The following XPNPEP3 variants were observed in gnomAD, a reference collection of about 807,000 sequenced individuals.
XPNPEP3 encodes the protein xaa-Pro aminopeptidase 3.
XPNPEP3 carries 41 observed loss-of-function variants against 60.0 expected under a neutral mutation model. The ratio of observed to expected loss-of-function variants is 0.68; its 90% CI spans 0.53 to 0.89. The LOEUF (loss-of-function observed/expected upper bound fraction) is 0.89. Among genes scored for constraint, XPNPEP3 ranks in the 40% least tolerant of loss-of-function variants. The pLI is 0.00. For synonymous variants in XPNPEP3, 212 were observed against 223.2 expected (o/e 0.95, Z 0.45); for missense variants, 598 against 638.9 (o/e 0.94, Z 0.69).
At chr22:40,880,969 T>C (rs2058045396) in intron 2 of XPNPEP3, among the ~76,000 whole-genome samples, 1 of 152,054 alleles carries the variant, frequency 6.6e-6, no homozygotes, top group African/African-American at 2.4e-5. Context: ...GTTTTTTTTG[T>C]TATTGAAATG....
chr22:40,899,048 C>A (rs1031815034), intron 4 of XPNPEP3, among the ~76,000 whole-genome samples: 1 of 152,152 alleles, frequency 6.6e-6, no homozygotes, highest in Admixed American at 6.5e-5. Flanking sequence ...GTTCTTTGAT[C>A]TAAAATTCTC....
chr22:40,888,581 G>A (rs2058077622), intron 4 of XPNPEP3: 1 of 173,532 alleles, frequency 5.8e-6, no homozygotes. Flanking sequence ...TCCATTGTAT[G>A]CGTATGCCAT....
intron 1 of XPNPEP3, chr22:40,860,534 C>A: frequency 2.6e-6 from 2 of 754,814 alleles, no homozygotes; most frequent in South Asian, 7.0e-5. Context: ...TTCTTGTCTT[C>A]TAATGCTATG....
In XPNPEP3 at chr22:40,857,161, C is replaced by G. The variant is rs776025665; in HGVS notation, c.-21C>G. Reference sequence around the variant, plus strand: ...CCCGTCGTTACCCTCTTTCTCTTCCCGACGCGTGAGTTAGGCCGTAATGCC... The same window carrying G: ...CCCGTCGTTACCCTCTTTCTCTTCCGGACGCGTGAGTTAGGCCGTAATGCC... On this transcript the variant is annotated 5_prime_UTR_variant, in exon 1 of 10. Transcript: ENST00000357137. 1.9e-6 allele frequency: 3 copies of G among 1,613,956 alleles called. No individual in the cohort carries two copies. Among genetic ancestry groups the G allele is most frequent in the Non-Finnish European group, 2.5e-6 (3 of 1,179,940 alleles).
chr22:40,904,706 A>G (rs2058147762), intron 4 of XPNPEP3, among the ~76,000 whole-genome samples: 1 of 152,198 alleles, frequency 6.6e-6, no homozygotes, highest in African/African-American at 2.4e-5. Context: ...TATAGTGCTG[A>G]ATAAGTTATT....
chr22:40,882,069 G>A lies in XPNPEP3; in HGVS notation c.481G>A (p.Glu161Lys). The A allele has an allele frequency of 6.2e-7, 1 of 1,614,124 alleles. No individual in the cohort carries two copies. The highest frequency in any genetic ancestry group is 1.7e-5 in the Admixed American group (1 of 60,018). ...LFVPRRDPSR[E>K]LWDGPRSGTD... ...TGTGCCTCGGCGAGATCCCAGTCGA[G>A]AACTTTGGGATGGTCCGCGATCTGG... Residue 161 changes from glutamate to lysine, a missense_variant, in exon 3 of 10, where the codon GAA becomes AAA. Coordinates refer to ENST00000357137, the MANE Select transcript of XPNPEP3 (RefSeq NM_022098.4).
chr22:40,898,956 C>G (rs184690900), intron 4 of XPNPEP3, among the ~76,000 whole-genome samples: 1 of 152,106 alleles, frequency 6.6e-6, no homozygotes, highest in African/African-American at 2.4e-5. Context: ...ATATGATAGG[C>G]CCCTCCCTTC....
chr22:40,861,725 G>C, intron 1 of XPNPEP3: 1 of 1,613,968 alleles, frequency 6.2e-7, no homozygotes, highest in Non-Finnish European at 8.5e-7. Context: ...CTGGCTTATG[G>C]AATGTGAAGC....
chr22:40,911,803 G>T (rs150252329), intron 6 of XPNPEP3, among the ~76,000 whole-genome samples: 1 of 152,136 alleles, frequency 6.6e-6, no homozygotes, highest in South Asian at 2.1e-4. Flanking sequence ...GCCTCCCAAA[G>T]CGCTGGGATT....
intron 4 of XPNPEP3, among the ~76,000 whole-genome samples, chr22:40,898,864 G>A (rs1423551285): frequency 1.3e-5 from 2 of 152,104 alleles, no homozygotes; most frequent in African/African-American, 4.8e-5. Context: ...CGTACTGTCT[G>A]CATCCACAGC....
At chr22:40,906,824 G>A (rs2058157294) in intron 4 of XPNPEP3, among the ~76,000 whole-genome samples, 1 of 152,182 alleles carries the variant, frequency 6.6e-6, no homozygotes, top group Non-Finnish European at 1.5e-5. Context: ...TCATAGTTCT[G>A]GAGGCTGGGA....
chr22:40,906,034 G>C (rs984567811), intron 4 of XPNPEP3, among the ~76,000 whole-genome samples: 4 of 152,048 alleles, frequency 2.6e-5, no homozygotes, highest in African/African-American at 9.7e-5. Context: ...CTCATGATCT[G>C]TCCACCTCAG....
At chr22:40,857,377 G>A (rs2057907786) in intron 1 of XPNPEP3, 132 bp downstream of exon 1, 1 of 1,018,646 alleles carries the variant, frequency 9.8e-7, no homozygotes, top group Non-Finnish European at 1.5e-6. Context: ...GTGCTCCGCG[G>A]ATTTCTTCTA....
chr22:40,884,162 T>C (rs2058059010), intron 3 of XPNPEP3, among the ~76,000 whole-genome samples: 2 of 152,196 alleles, frequency 1.3e-5, no homozygotes, highest in East Asian at 1.9e-4. Context: ...CATTGAACTT[T>C]CTTATGTCTT....
Position 40,882,108 on chromosome 22 carries a change from A to G in XPNPEP3, c.520A>G (p.Ile174Val), listed in dbSNP as rs768710562. 1.9e-6 allele frequency: 3 copies of G among 1,614,060 alleles called. No homozygotes were observed. In the South Asian group the frequency reaches 3.3e-5, roughly 18 times the overall value. ...DGPRSGTDGA[I>V]ALTGVDEAYT... ...TCCGCGATCTGGCACTGATGGAGCA[A>G]TAGCTCTAACTGGAGTAGACGAAGC... The change falls in exon 3 of 10, where the codon ATA (isoleucine) becomes GTA (valine). Residue 174 changes from isoleucine (I) to valine (V), a missense_variant. Ile to Val is a conservative substitution (Grantham distance 29). Coordinates refer to ENST00000357137, the MANE Select transcript of XPNPEP3 (RefSeq NM_022098.4).
At chr22:40,921,293 C>T (rs2058215677) in intron 7 of XPNPEP3, among the ~76,000 whole-genome samples, 1 of 151,998 alleles carries the variant, frequency 6.6e-6, no homozygotes, top group African/African-American at 2.4e-5. Context: ...CTGCTGGCAA[C>T]GAAGACTCAG....
At chr22:40,912,499 CT>C (rs1158564598) in intron 6 of XPNPEP3, among the ~76,000 whole-genome samples, 2 of 152,094 alleles carry the variant, frequency 1.3e-5, no homozygotes, top group Non-Finnish European at 1.5e-5. Context: ...GTTATGTACC[CT>C]TTTATATTCT....
intron 1 of XPNPEP3, chr22:40,862,594 TATATG>T: frequency 1.0e-6 from 1 of 985,406 alleles, no homozygotes; most frequent in Non-Finnish European, 1.2e-6. Flanking sequence ...GCTAAACAAT[TATATG>T]AGAGACAGCT....
chr22:40,881,194 C>T (rs2058046667), intron 2 of XPNPEP3, among the ~76,000 whole-genome samples: 1 of 151,930 alleles, frequency 6.6e-6, no homozygotes, highest in Non-Finnish European at 1.5e-5. Flanking sequence ...TACAGGCATG[C>T]ACCACCACAC....
Sources: gnomAD v4.1 joint callset for allele counts (sites outside exome capture counted in the v4.1 genomes callset) on GRCh38, gnomAD v4.1.1 for gene constraint, MANE v1.5 for transcripts, NCBI Gene and HGNC (gene_info 2026-07-23, HGNC 2026-07-21) for gene names.